AOPEP: variants seen among roughly 807,000 people sequenced by gnomAD.
AOPEP encodes the protein aminopeptidase O.
In AOPEP, 77 loss-of-function variants were observed where a neutral mutation model predicts 98.1. The ratio of observed to expected loss-of-function variants is 0.78; its 90% CI spans 0.65 to 0.95. AOPEP has a LOEUF of 0.95. Ranked by LOEUF, AOPEP falls within the 40% of genes least tolerant of loss-of-function variation. The pLI is 0.00. For missense variants in AOPEP, 1,024 were observed against 1,024.7 expected (o/e 1.00, Z 0.01); for synonymous variants, 346 against 365.3 (o/e 0.95, Z 0.60).
Position 94,770,408 on chromosome 9 carries a change from G to A in AOPEP, c.798-2594G>A, listed in dbSNP as rs563423262. 4.6e-5 allele frequency among the ~76,000 whole-genome samples: 7 copies of A among 152,294 alleles called. No individual in the cohort carries two copies. In the South Asian group the frequency reaches 8.3e-4, roughly 18 times the overall value. On this transcript the variant is annotated intron_variant, in intron 2 of 16. Coordinates refer to ENST00000375315, the MANE Select transcript of AOPEP (RefSeq NM_001193329.3). ...TCGGGAATCTAGGAGCAGCTTAGCC[G>A]GTGTCTCTTGCTCAAAATATCTTGC...
chr9:94,752,767 G>C (rs1179915867), intron 1 of AOPEP, among the ~76,000 whole-genome samples: 1 of 152,160 alleles, frequency 6.6e-6, no homozygotes, highest in Non-Finnish European at 1.5e-5. Context: ...CCCATCAAAA[G>C]ATGGAGTCTA....
intron 5 of AOPEP, among the ~76,000 whole-genome samples, chr9:94,909,150 C>T (rs1180423799): frequency 6.6e-6 from 1 of 152,002 alleles, no homozygotes; most frequent in South Asian, 2.1e-4. Flanking sequence ...CACACAGGAG[C>T]TGTGACTCAG....
At chr9:95,033,518 A>G (rs2064511160) in intron 13 of AOPEP, among the ~76,000 whole-genome samples, 1 of 152,214 alleles carries the variant, frequency 6.6e-6, no homozygotes, top group Non-Finnish European at 1.5e-5. Flanking sequence ...ATGTTTAGAA[A>G]GGTTCCATTT....
At chr9:95,051,443 A>G (rs1035370219) in intron 13 of AOPEP, among the ~76,000 whole-genome samples, 1 of 151,930 alleles carries the variant, frequency 6.6e-6, no homozygotes, top group Non-Finnish European at 1.5e-5. Context: ...AATCGTTAAT[A>G]GTAAGTTTTA....
intron 13 of AOPEP, among the ~76,000 whole-genome samples, chr9:95,055,457 C>T (rs949713637): frequency 1.3e-5 from 2 of 152,118 alleles, no homozygotes; most frequent in Non-Finnish European, 2.9e-5. Context: ...ATTTATGCAG[C>T]GTATAGATTT....
intron 13 of AOPEP, among the ~76,000 whole-genome samples, chr9:95,022,834 C>T (rs1173778031): frequency 2.0e-5 from 3 of 152,158 alleles, no homozygotes; most frequent in African/African-American, 2.4e-5. Flanking sequence ...ACATTTCCCC[C>T]CTTGCCCAGA....
chr9:94,826,930 A>G (rs1005574211), intron 5 of AOPEP, among the ~76,000 whole-genome samples: 3 of 152,206 alleles, frequency 2.0e-5, no homozygotes, highest in African/African-American at 7.2e-5. Context: ...TCATCTTTGC[A>G]GAAAGCAGCA....
chr9:94,858,777 G>C (rs1444659481), intron 5 of AOPEP, among the ~76,000 whole-genome samples: 1 of 152,062 alleles, frequency 6.6e-6, no homozygotes, highest in Non-Finnish European at 1.5e-5. Context: ...GGCTGGGCTC[G>C]GTGGCTTACA....
At chr9:95,030,434 G>A (rs1362404579) in intron 13 of AOPEP, among the ~76,000 whole-genome samples, 3 of 152,172 alleles carry the variant, frequency 2.0e-5, no homozygotes, top group Non-Finnish European at 2.9e-5. Flanking sequence ...ATGAGTACTG[G>A]AATTCAGCAT....
the AOPEP span, among the ~76,000 whole-genome samples, chr9:95,130,673 C>T: frequency 3.9e-5 from 6 of 152,184 alleles, no homozygotes; most frequent in African/African-American, 1.4e-4. Context: ...AGCAGCCGGA[C>T]AATCCCGTCC....
intron 11 of AOPEP, among the ~76,000 whole-genome samples, chr9:94,984,829 T>C (rs1264650043): frequency 6.6e-6 from 1 of 152,254 alleles, no homozygotes; most frequent in African/African-American, 2.4e-5. Context: ...TGAAATCGTC[T>C]GTATTTTTGT....
At chr9:95,132,462 G>A in the AOPEP span, among the ~76,000 whole-genome samples, 6 of 152,152 alleles carry the variant, frequency 3.9e-5, no homozygotes, top group African/African-American at 1.4e-4. Context: ...TATGGATTAT[G>A]GTCTTCCCGT....
chr9:94,922,097 G>A (rs751916351), intron 5 of AOPEP, among the ~76,000 whole-genome samples: 1 of 152,150 alleles, frequency 6.6e-6, no homozygotes, highest in Non-Finnish European at 1.5e-5. Flanking sequence ...AAAAATGAAA[G>A]GGTGGGAGAA....
At position 94,816,586 on chromosome 9, in the gene AOPEP, G is replaced by T. The variant is rs1040630566; in HGVS notation, c.1364+15584G>T. On this transcript the variant is annotated intron_variant, in intron 5 of 16. Transcript: ENST00000375315. ...TGCCACTGTAGGTGACCCTGGCAGG[G>T]CTCTGTTCCTTCAGTAGGGAGGGCA... 5.3e-5 allele frequency among the ~76,000 whole-genome samples: 8 copies of T among 152,164 alleles called. No homozygotes were observed. The East Asian group carries it at 1.5e-3, about 29-fold the overall frequency.
chr9:94,981,485 C>G (rs1199256626), intron 11 of AOPEP, among the ~76,000 whole-genome samples: 1 of 152,142 alleles, frequency 6.6e-6, no homozygotes, highest in African/African-American at 2.4e-5. Flanking sequence ...AGAAAAGACC[C>G]TGATTTAGCG....
chr9:95,046,810 T>A (rs2065906626), intron 13 of AOPEP, among the ~76,000 whole-genome samples: 2 of 152,236 alleles, frequency 1.3e-5, no homozygotes, highest in Non-Finnish European at 2.9e-5. Flanking sequence ...TTCTTAGTTT[T>A]AAGTATGTAA....
chr9:94,898,364 A>C (rs1297752696), intron 5 of AOPEP, among the ~76,000 whole-genome samples: 1 of 151,580 alleles, frequency 6.6e-6, no homozygotes, highest in Admixed American at 6.6e-5. Flanking sequence ...CATGTCTGTA[A>C]TCCCAGCACC....
At chr9:95,051,712 T>A (rs1327618103) in intron 13 of AOPEP, among the ~76,000 whole-genome samples, 1 of 152,066 alleles carries the variant, frequency 6.6e-6, no homozygotes, top group African/African-American at 2.4e-5. Flanking sequence ...GAAACTTTTT[T>A]TTTTTTTTTG....
intron 10 of AOPEP, among the ~76,000 whole-genome samples, chr9:94,977,046 G>C (rs2059893656): frequency 6.6e-6 from 1 of 152,158 alleles, no homozygotes; most frequent in East Asian, 1.9e-4. Flanking sequence ...CAGGGTTCTG[G>C]GCACAGAAAC....
Sources: allele counts gnomAD v4.1 joint callset (sites outside exome capture counted in the v4.1 genomes callset), GRCh38; gene constraint gnomAD v4.1.1; transcripts MANE v1.5; gene names NCBI Gene and HGNC (gene_info 2026-07-23, HGNC 2026-07-21).